CELF2: variants seen among roughly 807,000 people sequenced by gnomAD.
The protein encoded by CELF2 is CUGBP Elav-like family member 2.
In CELF2, 8 loss-of-function variants were observed where a neutral mutation model predicts 62.6. The ratio of observed to expected loss-of-function variants is 0.13; its 90% CI spans 0.07 to 0.23. The LOEUF (loss-of-function observed/expected upper bound fraction) is 0.23, where lower values mean the gene tolerates loss of function less well. Ranked by LOEUF, CELF2 falls within the 10% of genes least tolerant of loss-of-function variation. The pLI is 1.00. For missense variants in CELF2, 333 were observed against 671.0 expected, an observed-to-expected ratio of 0.50 and a Z score of 5.56; for synonymous variants, 258 against 250.0, an observed-to-expected ratio of 1.03 and a Z score of -0.30.
the CELF2 span, among the ~76,000 whole-genome samples, chr10:10,469,461 G>A: frequency 6.6e-6 from 1 of 151,900 alleles, no homozygotes; most frequent in African/African-American, 2.4e-5. Context: ...ACCACATAAA[G>A]GAGGTGAAGT....
chr10:10,474,542 T>G, the CELF2 span, among the ~76,000 whole-genome samples: 1 of 152,030 alleles, frequency 6.6e-6, no homozygotes, highest in Non-Finnish European at 1.5e-5. Flanking sequence ...AATGTGACAG[T>G]TTTGCAATAA....
At chr10:11,025,492 C>T (rs1015826587) in intron 1 of CELF2, among the ~76,000 whole-genome samples, 6 of 152,016 alleles carry the variant, frequency 3.9e-5, no homozygotes, top group Admixed American at 6.6e-5. Flanking sequence ...TTCTTGCCAC[C>T]TTGTGAGGGA....
At chr10:10,836,966 T>A (rs1328503448) in intron 1 of CELF2, among the ~76,000 whole-genome samples, 1 of 152,188 alleles carries the variant, frequency 6.6e-6, no homozygotes, top group African/African-American at 2.4e-5. Flanking sequence ...ACCATATGAA[T>A]ACATTGGTCT....
rs139003580 is a variant in CELF2, at chr10:11,063,229, G to A, written c.74+45066G>A. The stretch of plus-strand genomic sequence containing the variant: ...TTGATGGTCTGGAACCAAACCTGCT[G>A]TATCCTCAAGGTATGTCAGTATTTA... On this transcript the variant is annotated intron_variant, in intron 1 of 12. Coordinates refer to ENST00000633077, the MANE Select transcript of CELF2 (RefSeq NM_001326342.2). Among the ~76,000 whole-genome samples, 119 of 152,292 alleles carry A rather than the reference G, an allele frequency of 7.8e-4. 2 individuals carry two copies. The highest frequency in any genetic ancestry group is 1.5e-3 in the Non-Finnish European group (101 of 68,024).
the CELF2 span, among the ~76,000 whole-genome samples, chr10:10,770,972 G>A: frequency 6.6e-6 from 1 of 152,190 alleles, no homozygotes; most frequent in Non-Finnish European, 1.5e-5. Context: ...AGAAGCCCTG[G>A]AATGAGCACT....
Position 11,314,347 on chromosome 10 carries a change from A to G in CELF2, c.1096+89A>G. 1 of 1,565,854 alleles carries G rather than the reference A, an allele frequency of 6.4e-7. No individual in the cohort carries two copies. The highest frequency in any genetic ancestry group is 1.7e-5 in the Admixed American group (1 of 59,828). Reference sequence around the variant, plus strand: ...AGTGGTCAGCCAGAAATGACCCGAAAAAGGATATGCCACGGGGAGAACTAA... The same window carrying G: ...AGTGGTCAGCCAGAAATGACCCGAAGAAGGATATGCCACGGGGAGAACTAA... On this transcript the variant is annotated intron_variant, in intron 10 of 12. Transcript: ENST00000633077. The surrounding 1 kb of genome is among the most constrained non-coding windows in gnomAD (Gnocchi z 5.3).
At position 11,227,328 on chromosome 10, in the gene CELF2, C is replaced by T. The variant is rs1218402067; in HGVS notation, c.354+9821C>T. ...TGCTGCCGACAAGGGACCAGACTCA[C>T]CACCACAAACCAGGGCACTGAGAGG... On this transcript the variant is annotated intron_variant, in intron 3 of 12. Coordinates refer to ENST00000633077, the MANE Select transcript of CELF2 (RefSeq NM_001326342.2). The surrounding 1 kb of genome is among the most constrained non-coding windows in gnomAD (Gnocchi z 4.8). Among the ~76,000 whole-genome samples, 1 of 152,204 alleles carries T rather than the reference C, an allele frequency of 6.6e-6. No individual in the cohort carries two copies. Among genetic ancestry groups the T allele is most frequent in the East Asian group, 1.9e-4 (1 of 5,192 alleles).
the CELF2 span, among the ~76,000 whole-genome samples, chr10:10,521,119 A>C: frequency 7.7e-4 from 117 of 152,342 alleles, no homozygotes; most frequent in Non-Finnish European, 9.7e-4. Flanking sequence ...GTGGCTCGAA[A>C]CAAGAGTGTT....
intron 1 of CELF2, among the ~76,000 whole-genome samples, chr10:10,824,697 C>G (rs1388941460): frequency 1.3e-5 from 2 of 152,240 alleles, no homozygotes; most frequent in Non-Finnish European, 2.9e-5. Flanking sequence ...TATTTAGTCT[C>G]TGTTGCTGCA....
the CELF2 span, among the ~76,000 whole-genome samples, chr10:10,488,367 G>C: frequency 6.6e-6 from 1 of 152,118 alleles, no homozygotes. Context: ...ATTTCCCTAT[G>C]TGTCAGTTTC....
chr10:10,501,589 C>T, the CELF2 span, among the ~76,000 whole-genome samples: 1 of 151,990 alleles, frequency 6.6e-6, no homozygotes, highest in Non-Finnish European at 1.5e-5. Flanking sequence ...ATTTTAATTT[C>T]CATGTGTTCA....
chr10:10,866,875 A>G (rs10905851), intron 1 of CELF2, among the ~76,000 whole-genome samples: 24,551 of 147,072 alleles, frequency 0.17, 2,201 homozygotes, highest in Non-Finnish European at 0.2. Flanking sequence ...AGCTGAGATC[A>G]CACCGTTGCA....
the CELF2 span, among the ~76,000 whole-genome samples, chr10:10,495,634 T>C: frequency 6.6e-6 from 1 of 152,150 alleles, no homozygotes; most frequent in Non-Finnish European, 1.5e-5. Context: ...CCTCAAAAGA[T>C]AAAAATCTCT....
intron 2 of CELF2, among the ~76,000 whole-genome samples, chr10:11,172,250 C>A (rs759683087): frequency 1.1e-4 from 16 of 152,174 alleles, no homozygotes; most frequent in African/African-American, 3.1e-4. Flanking sequence ...GTGTTACTTA[C>A]TGTGACATCC....
At chr10:10,737,720 T>C in the CELF2 span, among the ~76,000 whole-genome samples, 1 of 151,962 alleles carries the variant, frequency 6.6e-6, no homozygotes, top group Non-Finnish European at 1.5e-5. Context: ...GATGGCATGC[T>C]AGATTGGCAT....
At chr10:10,581,821 T>G in the CELF2 span, among the ~76,000 whole-genome samples, 2 of 152,000 alleles carry the variant, frequency 1.3e-5, no homozygotes, top group Non-Finnish European at 1.5e-5. Context: ...CGAGGTCAGG[T>G]GTTTGAGAAC....
chr10:10,675,492 C>A, the CELF2 span, among the ~76,000 whole-genome samples: 2 of 152,070 alleles, frequency 1.3e-5, no homozygotes, highest in African/African-American at 4.8e-5. Flanking sequence ...GTTCTCTGAG[C>A]TTCCTGGATC....
upstream of CELF2, chr10:11,005,228 G>C: frequency 6.7e-6 from 10 of 1,490,104 alleles, no homozygotes; most frequent in Non-Finnish European, 9.0e-6. This position sits in a 1 kb window ranked among gnomAD's most constrained non-coding sequence, Gnocchi z 4.3. Context: ...TTTGACTAGG[G>C]AAGAGAGTGG....
chr10:10,736,436 C>T, the CELF2 span, among the ~76,000 whole-genome samples: 1 of 116,926 alleles, frequency 8.6e-6, no homozygotes, highest in Non-Finnish European at 1.7e-5. Flanking sequence ...GGTTTGTATA[C>T]TTGATTACAG....
Sources: allele counts gnomAD v4.1 joint callset (sites outside exome capture counted in the v4.1 genomes callset), GRCh38; gene constraint gnomAD v4.1.1; non-coding constraint Gnocchi (gnomAD v3.1); transcripts MANE v1.5; gene names NCBI Gene and HGNC (gene_info 2026-07-23, HGNC 2026-07-21).